Variants in TCEA1 observed in about 807,000 individuals in gnomAD.
The protein encoded by TCEA1 is transcription elongation factor A protein 1.
Under a neutral mutation model 43.8 loss-of-function variants are expected in TCEA1, and 21 were observed. That is an observed-to-expected ratio of 0.48 (90% CI 0.34 to 0.69). The LOEUF (loss-of-function observed/expected upper bound fraction) is 0.69, where lower values mean the gene tolerates loss of function less well. Among genes scored for constraint, TCEA1 ranks in the 30% least tolerant of loss-of-function variants. TCEA1 has a pLI of 0.01. For missense variants in TCEA1, 250 were observed against 365.1 expected (o/e 0.68, Z 2.57); for synonymous variants, 104 against 117.5 (o/e 0.88, Z 0.75).
At chr8:53,982,450 G>C (rs1451669815) in intron 7 of TCEA1, among the ~76,000 whole-genome samples, 1 of 151,378 alleles carries the variant, frequency 6.6e-6, no homozygotes. Context: ...TCTACTAAAA[G>C]TACAAAAATT....
In TCEA1 at chr8:53,988,738, A is replaced by C. The variant is rs757174823; in HGVS notation, c.321-479T>G. On this transcript the variant is annotated intron_variant, in intron 4 of 9. Coordinates refer to ENST00000521604, the MANE Select transcript of TCEA1 (RefSeq NM_006756.4). Reference sequence around the variant, plus strand: ...TTCACACCAGAGAATGACAGCTTTCAACCAAAACTAGAGATAGAGAGAGAG... The same window carrying C: ...TTCACACCAGAGAATGACAGCTTTCCACCAAAACTAGAGATAGAGAGAGAG... Among the ~76,000 whole-genome samples the C allele has an allele frequency of 1.8e-4, 27 of 152,212 alleles. No individual in the cohort carries two copies. The South Asian group carries it at 2.3e-3, about 13-fold the overall frequency.
At chr8:54,014,380 CA>C (rs2129313847) in intron 1 of TCEA1, among the ~76,000 whole-genome samples, 1 of 152,126 alleles carries the variant, frequency 6.6e-6, no homozygotes, top group African/African-American at 2.4e-5. Flanking sequence ...AGGCCTAAGG[CA>C]GGAGGATCAC....
chr8:53,978,426 C>T (rs1803396560), intron 8 of TCEA1: 1 of 152,138 alleles, frequency 6.6e-6, no homozygotes, highest in Non-Finnish European at 1.5e-5. Context: ...GTACATTGTT[C>T]TGAGTAGCAT....
intron 3 of TCEA1, among the ~76,000 whole-genome samples, chr8:53,997,492 ATACCT>A (rs1324379988): frequency 2.0e-5 from 3 of 152,216 alleles, no homozygotes; most frequent in Non-Finnish European, 4.4e-5. Context: ...TCTGGATATG[ATACCT>A]TGAGAAGGAC....
chr8:54,019,824 G>C (rs1804965571), intron 1 of TCEA1, among the ~76,000 whole-genome samples: 1 of 152,116 alleles, frequency 6.6e-6, no homozygotes, highest in Admixed American at 6.6e-5. Flanking sequence ...CAGAGGACAG[G>C]CAGGGAAAAT....
At chr8:53,998,149 T>C (rs1325650234) in intron 3 of TCEA1, among the ~76,000 whole-genome samples, 1 of 152,242 alleles carries the variant, frequency 6.6e-6, no homozygotes, top group Non-Finnish European at 1.5e-5. Flanking sequence ...CATGAATGTA[T>C]ATGTAAGATA....
intron 2 of TCEA1, among the ~76,000 whole-genome samples, chr8:54,005,515 T>C (rs1804410520): frequency 6.6e-6 from 1 of 152,048 alleles, no homozygotes; most frequent in Non-Finnish European, 1.5e-5. Context: ...TTTATTTTCT[T>C]CTCATCCCAA....
At chr8:53,985,467 A>G (rs965358496) in intron 6 of TCEA1, among the ~76,000 whole-genome samples, 1 of 152,150 alleles carries the variant, frequency 6.6e-6, no homozygotes, top group Non-Finnish European at 1.5e-5. Context: ...TCCGAATTCT[A>G]CTAAGGATCC....
intron 3 of TCEA1, among the ~76,000 whole-genome samples, chr8:53,998,985 T>C (rs551536638): frequency 2.8e-4 from 43 of 152,044 alleles, no homozygotes; most frequent in African/African-American, 1.0e-3. Flanking sequence ...TCCCAGCACT[T>C]TGGGAGGCCA....
chr8:53,993,615 A>T lies in TCEA1; in HGVS notation c.320+53T>A, dbSNP rs111680178. 8.4e-6 allele frequency: 12 copies of T among 1,435,832 alleles called. No individual in the cohort carries two copies. The African/African-American group carries it at 8.5e-5, about 10-fold the overall frequency. 88.9% of individuals were successfully genotyped at this position (1,435,832 alleles called of 1,614,324 possible). On this transcript the variant is annotated intron_variant, in intron 4 of 9. Transcript: ENST00000521604. ...GAACATTAGACAGGGGAATTGATGCAGGAAGTAAAACTATGACTTTCAATA... is the reference window on the plus strand; with the variant it reads ...GAACATTAGACAGGGGAATTGATGCTGGAAGTAAAACTATGACTTTCAATA...
At position 54,022,229 on chromosome 8, in the gene TCEA1, C is replaced by G; in HGVS notation, c.-104G>C. On this transcript the variant is annotated 5_prime_UTR_variant, in exon 1 of 10. Coordinates refer to ENST00000521604, the MANE Select transcript of TCEA1 (RefSeq NM_006756.4). ...GCGACCCCCGGCGCGCAGCAACCCC[C>G]ACCACCGCAGGCCCGGGCCTAGGCC... is the stretch of plus-strand genomic sequence containing the variant. 3 of 1,335,622 alleles carry G rather than the reference C, an allele frequency of 2.2e-6. No homozygotes were observed. The highest frequency in any genetic ancestry group is 3.2e-6 in the Non-Finnish European group (3 of 948,764). 82.7% of individuals were successfully genotyped at this position (1,335,622 alleles called of 1,614,324 possible).
Position 53,982,708 on chromosome 8 carries a change from T to C in TCEA1, c.678+1655A>G, listed in dbSNP as rs541890222. 8.6e-5 allele frequency among the ~76,000 whole-genome samples: 13 copies of C among 151,804 alleles called. 1 individual carries two copies. Among genetic ancestry groups the C allele is most frequent in the African/African-American group, 2.2e-4 (9 of 41,352 alleles). ...TAGAAGTAGAGCTTCAAGATGTGAC[T>C]GAGTTGCTTCAATCTCATAATAAAA... On this transcript the variant is annotated intron_variant, in intron 7 of 9. Transcript: ENST00000521604.
chr8:53,999,207 AGAGT>A (rs1804169249), intron 3 of TCEA1, among the ~76,000 whole-genome samples: 1 of 144,286 alleles, frequency 6.9e-6, no homozygotes, highest in Non-Finnish European at 1.5e-5. Flanking sequence ...CCTGGGCAAC[AGAGT>A]GAGACTCAGT....
In TCEA1 at chr8:53,989,499, C is replaced by A. The variant is rs116641922; in HGVS notation, c.321-1240G>T. On this transcript the variant is annotated intron_variant, in intron 4 of 9. Coordinates refer to ENST00000521604, the MANE Select transcript of TCEA1 (RefSeq NM_006756.4). ...ACTTCACAAACAGGTGCCTGTGGGT[C>A]AGACGGACATTAGTACCTTTTAAAT... 4.1e-3 allele frequency among the ~76,000 whole-genome samples: 620 copies of A among 152,306 alleles called. 4 individuals carry two copies. Among genetic ancestry groups the A allele is most frequent in the African/African-American group, 0.014 (592 of 41,552 alleles).
chr8:53,986,943 A>G (rs771761939), intron 6 of TCEA1, 26 bp downstream of exon 6: 10 of 1,539,500 alleles, frequency 6.5e-6, no homozygotes, highest in African/African-American at 2.8e-5. Flanking sequence ...AAAAAAAACA[A>G]TTATGAATAT....
At chr8:54,012,230 T>C (rs1804673514) in intron 1 of TCEA1, among the ~76,000 whole-genome samples, 1 of 152,238 alleles carries the variant, frequency 6.6e-6, no homozygotes, top group African/African-American at 2.4e-5. Context: ...AAGCTATTTG[T>C]GCTCTATGCC....
chr8:53,972,868 T>C, intron 8 of TCEA1: 1 of 707,182 alleles, frequency 1.4e-6, no homozygotes, highest in Non-Finnish European at 2.7e-6. Context: ...CTAAGGTTTA[T>C]ACCAGATGAT....
chr8:54,020,471 T>C (rs1341179604), intron 1 of TCEA1, among the ~76,000 whole-genome samples: 3 of 152,124 alleles, frequency 2.0e-5, no homozygotes, highest in South Asian at 2.1e-4. Context: ...TACGAGGCAA[T>C]GCACCTGTTA....
chr8:53,973,872 C>T, intron 8 of TCEA1: 1 of 339,656 alleles, frequency 2.9e-6, no homozygotes. Flanking sequence ...AGAACTTACT[C>T]AGGCAATAAA....
Sources: allele counts gnomAD v4.1 joint callset (sites outside exome capture counted in the v4.1 genomes callset), GRCh38; gene constraint gnomAD v4.1.1; transcripts MANE v1.5; gene names NCBI Gene and HGNC (gene_info 2026-07-23, HGNC 2026-07-21).